CADPS2: variants seen among roughly 807,000 people sequenced by gnomAD.
CADPS2 encodes calcium-dependent secretion activator 2.
A neutral mutation model predicts 172.5 loss-of-function variants in CADPS2; 93 were observed. The observed-to-expected ratio is 0.54, with a 90% CI of 0.46 to 0.64. CADPS2 has a LOEUF of 0.64. Among genes scored for constraint, CADPS2 ranks in the 30% least tolerant of loss-of-function variants. The probability of loss-of-function intolerance (pLI) is 0.00; values close to 1 mark genes in which losing one functional copy is unlikely to be tolerated. For missense variants in CADPS2, 1,420 were observed against 1,565.9 expected (o/e 0.91, Z 1.57); for synonymous variants, 546 against 555.2 (o/e 0.98, Z 0.23).
intron 9 of CADPS2, among the ~76,000 whole-genome samples, chr7:122,494,386 A>C (rs1175464705): frequency 6.6e-6 from 1 of 152,200 alleles, no homozygotes; most frequent in African/African-American, 2.4e-5. Context: ...TTTGGTTAAA[A>C]TATATTATGG....
intron 10 of CADPS2, among the ~76,000 whole-genome samples, chr7:122,490,751 T>C (rs1206785017): frequency 6.6e-6 from 1 of 152,194 alleles, no homozygotes; most frequent in Non-Finnish European, 1.5e-5. Flanking sequence ...TTAGTTAATA[T>C]AGTCATAAAT....
At chr7:122,613,507 CACCTAATG>C (rs2074532597) in intron 6 of CADPS2, among the ~76,000 whole-genome samples, 1 of 152,054 alleles carries the variant, frequency 6.6e-6, no homozygotes, top group African/African-American at 2.4e-5. Context: ...TCAACAAAAT[CACCTAATG>C]ACACGTTTCT....
intron 20 of CADPS2, among the ~76,000 whole-genome samples, chr7:122,398,636 T>C (rs1051712775): frequency 3.9e-4 from 59 of 152,198 alleles, no homozygotes; most frequent in East Asian, 3.9e-4. Flanking sequence ...ATGCATATAA[T>C]GAAGACCTCC....
intron 1 of CADPS2, among the ~76,000 whole-genome samples, chr7:122,781,338 T>C (rs1208718315): frequency 2.0e-5 from 3 of 152,226 alleles, no homozygotes; most frequent in Non-Finnish European, 4.4e-5. Context: ...TCTTAGCCTA[T>C]TGAACTTGTT....
intron 1 of CADPS2, among the ~76,000 whole-genome samples, chr7:122,751,338 A>T (rs569830945): frequency 2.6e-5 from 4 of 152,178 alleles, no homozygotes; most frequent in South Asian, 2.1e-4. Context: ...ATAATGATTT[A>T]AAAAAATCAT....
Position 122,793,049 on chromosome 7 carries a change from C to A in CADPS2, c.340-55981G>T, listed in dbSNP as rs577853936. ...ATCATTACATGCACTAAAAGCCTTT[C>A]TAAAAGAAACACTGATTTGTTATAT... is the stretch of plus-strand genomic sequence containing the variant. On this transcript the variant is annotated intron_variant, in intron 1 of 29. Coordinates refer to ENST00000449022, the MANE Select transcript of CADPS2 (RefSeq NM_017954.11). Among the ~76,000 whole-genome samples, 13 of 152,274 alleles carry A rather than the reference C, an allele frequency of 8.5e-5. 1 individual carries two copies. The South Asian group carries it at 2.3e-3, about 27-fold the overall frequency.
At chr7:122,767,984 T>C (rs1052087710) in intron 1 of CADPS2, among the ~76,000 whole-genome samples, 1 of 152,164 alleles carries the variant, frequency 6.6e-6, no homozygotes, top group Non-Finnish European at 1.5e-5. Context: ...AAATAAGTGA[T>C]ATCAGGAGGG....
At chr7:122,503,233 G>A (rs962881950) in intron 9 of CADPS2, among the ~76,000 whole-genome samples, 25 of 151,248 alleles carry the variant, frequency 1.7e-4, no homozygotes, top group African/African-American at 2.7e-4. Flanking sequence ...ATGGGGTTTC[G>A]CCATGCTGGC....
chr7:122,677,602 A>C (rs1268634346), intron 2 of CADPS2, among the ~76,000 whole-genome samples: 4 of 152,222 alleles, frequency 2.6e-5, no homozygotes, highest in Non-Finnish European at 4.4e-5. Context: ...ATTAACCCTC[A>C]CAACTGCATA....
intron 14 of CADPS2, among the ~76,000 whole-genome samples, chr7:122,470,148 TA>T (rs760106719): frequency 6.6e-6 from 1 of 152,148 alleles, no homozygotes; most frequent in Non-Finnish European, 1.5e-5. Flanking sequence ...AAGAGTGTGG[TA>T]AAAGTTATTC....
At chr7:122,856,370 C>T (rs1815228043) in intron 1 of CADPS2, among the ~76,000 whole-genome samples, 1 of 152,210 alleles carries the variant, frequency 6.6e-6, no homozygotes, top group African/African-American at 2.4e-5. Flanking sequence ...AAATCCTACT[C>T]ATTCAGTCTT....
chr7:122,511,681 T>C (rs2060013389), intron 9 of CADPS2, among the ~76,000 whole-genome samples: 1 of 152,146 alleles, frequency 6.6e-6, no homozygotes, highest in African/African-American at 2.4e-5. Context: ...AATGAGATTT[T>C]ACATAAATGC....
At chr7:122,721,287 T>C (rs949731746) in intron 2 of CADPS2, among the ~76,000 whole-genome samples, 3 of 151,948 alleles carry the variant, frequency 2.0e-5, no homozygotes, top group African/African-American at 7.2e-5. Context: ...ATTGATAGAC[T>C]GCTAGCAAGA....
At chr7:122,821,674 T>C (rs1318047475) in intron 1 of CADPS2, among the ~76,000 whole-genome samples, 1 of 152,150 alleles carries the variant, frequency 6.6e-6, no homozygotes, top group Admixed American at 6.5e-5. Context: ...CCTTTATTAG[T>C]CAAATCAGCC....
intron 6 of CADPS2, among the ~76,000 whole-genome samples, chr7:122,586,801 T>C (rs928161802): frequency 6.6e-6 from 1 of 152,136 alleles, no homozygotes; most frequent in Non-Finnish European, 1.5e-5. Context: ...TCCTAAAGAA[T>C]CTATTTCCTT....
chr7:122,590,601 A>G (rs2070644122), intron 6 of CADPS2, among the ~76,000 whole-genome samples: 1 of 151,916 alleles, frequency 6.6e-6, no homozygotes, highest in Admixed American at 6.6e-5. Context: ...ATATTCATAT[A>G]TAAATGATGA....
intron 9 of CADPS2, among the ~76,000 whole-genome samples, chr7:122,505,504 T>C (rs1033225857): frequency 2.0e-5 from 3 of 152,190 alleles, no homozygotes; most frequent in Non-Finnish European, 2.9e-5. Flanking sequence ...TGGCAAAGTA[T>C]TGAAACATTT....
At chr7:122,469,240 A>G (rs959761709) in intron 14 of CADPS2, among the ~76,000 whole-genome samples, 1 of 152,178 alleles carries the variant, frequency 6.6e-6, no homozygotes, top group Non-Finnish European at 1.5e-5. Flanking sequence ...TTTTGGGGGC[A>G]CATTAGCTGA....
intron 14 of CADPS2, among the ~76,000 whole-genome samples, chr7:122,458,774 CCAAA>C (rs1394327461): frequency 3.9e-5 from 6 of 152,114 alleles, no homozygotes; most frequent in African/African-American, 9.6e-5. Flanking sequence ...TCTCCTGGGA[CCAAA>C]CAAACAAATA....
Sources: gnomAD v4.1 joint callset for allele counts (sites outside exome capture counted in the v4.1 genomes callset) on GRCh38, gnomAD v4.1.1 for gene constraint, MANE v1.5 for transcripts, NCBI Gene and HGNC (gene_info 2026-07-23, HGNC 2026-07-21) for gene names.